TMEM260: variants seen among roughly 807,000 people sequenced by gnomAD.
TMEM260 encodes transmembrane protein 260, also known as protein O-mannosyl-transferase TMEM260.
In TMEM260, 82 loss-of-function variants were observed where a neutral mutation model predicts 88.9. The observed-to-expected ratio is 0.92, with a 90% CI of 0.77 to 1.11. The LOEUF is 1.11. Among genes scored for constraint, TMEM260 ranks in the 50% least tolerant of loss-of-function variants. The pLI is 0.00. For synonymous variants in TMEM260, 314 were observed against 309.3 expected (o/e 1.02, Z -0.16); for missense variants, 902 against 853.4 (o/e 1.06, Z -0.71).
rs1594850167 is a variant in TMEM260, at chr14:56,614,470, C to T, written c.858-1474C>T. Among the ~76,000 whole-genome samples the T allele has an allele frequency of 1.3e-5, 2 of 152,326 alleles. 1 individual carries two copies. Among genetic ancestry groups the T allele is most frequent in the Non-Finnish European group, 2.9e-5 (2 of 68,032 alleles). On this transcript the variant is annotated intron_variant, in intron 7 of 15. Transcript: ENST00000261556. ...GCTTTGCTCCATGCAGAAGGACTCACTGCCTGCTCTTTTCTATCTACCTTC... is the reference window on the plus strand; with the variant it reads ...GCTTTGCTCCATGCAGAAGGACTCATTGCCTGCTCTTTTCTATCTACCTTC...
chr14:56,638,546 G>A (rs1889304101), intron 15 of TMEM260, among the ~76,000 whole-genome samples: 1 of 151,984 alleles, frequency 6.6e-6, no homozygotes, highest in Admixed American at 6.6e-5. Flanking sequence ...TGTCCCTTTG[G>A]GTCAGAGAGC....
At chr14:56,581,943 A>T (rs1394478415) in intron 1 of TMEM260, among the ~76,000 whole-genome samples, 2 of 152,056 alleles carry the variant, frequency 1.3e-5, no homozygotes, top group African/African-American at 4.8e-5. Context: ...ACTGTATTTT[A>T]TTTTTTCCTA....
At chr14:56,617,439 T>A (rs1406168949) in intron 9 of TMEM260, 142 bp downstream of exon 9, 10 of 580,268 alleles carry the variant, frequency 1.7e-5, no homozygotes, top group Non-Finnish European at 3.0e-5. Flanking sequence ...AAAGTTGAAT[T>A]ATTGAGTCAA....
the TMEM260 span, among the ~76,000 whole-genome samples, chr14:56,661,540 G>A: frequency 7.4e-6 from 1 of 135,880 alleles, no homozygotes; most frequent in Non-Finnish European, 1.5e-5. Flanking sequence ...GGAAAGGAGG[G>A]AGGGAGGGAG....
At chr14:56,656,769 GTTAT>G in the TMEM260 span, among the ~76,000 whole-genome samples, 2 of 151,964 alleles carry the variant, frequency 1.3e-5, no homozygotes, top group African/African-American at 4.8e-5. Flanking sequence ...ATATAAAAAC[GTTAT>G]TTAAATTATG....
intron 15 of TMEM260, among the ~76,000 whole-genome samples, chr14:56,644,144 T>G (rs1439714393): frequency 6.6e-6 from 1 of 152,136 alleles, no homozygotes; most frequent in Non-Finnish European, 1.5e-5. Flanking sequence ...TTCACAGAAT[T>G]GGAAAAAAGT....
chr14:56,610,520 G>T (rs867383595), intron 6 of TMEM260, among the ~76,000 whole-genome samples: 3 of 152,180 alleles, frequency 2.0e-5, no homozygotes, highest in South Asian at 4.1e-4. Flanking sequence ...GGGATTACAG[G>T]CGTGAGCCAC....
Position 56,647,825 on chromosome 14 carries a change from G to T in TMEM260, c.*328G>T. The T allele has an allele frequency of 4.0e-6, 1 of 250,278 alleles. No individual in the cohort carries two copies. Among genetic ancestry groups the T allele is most frequent in the Non-Finnish European group, 7.7e-6 (1 of 129,344 alleles). 15.5% of individuals were successfully genotyped at this position (250,278 alleles called of 1,614,324 possible). A position where few individuals can be genotyped will look rare whatever the true frequency, so the allele number is the denominator to read the frequency against. ...AACCATTTTCATATAACTAAATATTGGTCATGAACTGTGTAAGGGCCATGC... is the reference window on the plus strand; with the variant it reads ...AACCATTTTCATATAACTAAATATTTGTCATGAACTGTGTAAGGGCCATGC... On this transcript the variant is annotated 3_prime_UTR_variant, in exon 16 of 16. Coordinates refer to ENST00000261556, the MANE Select transcript of TMEM260 (RefSeq NM_017799.4).
chr14:56,640,425 A>G (rs996386611), intron 15 of TMEM260, among the ~76,000 whole-genome samples: 2 of 152,252 alleles, frequency 1.3e-5, no homozygotes, highest in East Asian at 1.9e-4. Flanking sequence ...AAAGACCTGC[A>G]GCTGAGGGTC....
At position 56,612,245 on chromosome 14, in the gene TMEM260, G is replaced by A. The variant is rs1422927921; in HGVS notation, c.817G>A (p.Ala273Thr). 1 of 1,613,162 alleles carries A rather than the reference G, an allele frequency of 6.2e-7. No individual in the cohort carries two copies. The highest frequency in any genetic ancestry group is 1.3e-5 in the African/African-American group (1 of 74,878). Residue 273 changes from alanine to threonine, a missense_variant and splice_region_variant, in exon 7 of 16, where the codon GCC becomes ACC. Coordinates refer to ENST00000261556, the MANE Select transcript of TMEM260 (RefSeq NM_017799.4). ...ATAAACTTTTGTCTTTTGTGTTTAG[G>A]CCAAATCTGAAATAGGATCCAGTAT... ...LREEYGTFSL[A>T]KSEIGSSMSE...
Position 56,621,542 on chromosome 14 carries a change from A to T in TMEM260, c.1238A>T (p.Gln413Leu), listed in dbSNP as rs765813584. 1.2e-6 allele frequency: 2 copies of T among 1,603,982 alleles called. No homozygotes were observed. The highest frequency in any genetic ancestry group is 4.5e-5 in the East Asian group (2 of 44,678). The change falls in exon 11 of 16, where the codon CAA becomes CTA. Residue 413 changes from glutamine to leucine, a missense_variant. Physicochemically the swap from Gln to Leu is moderately radical, Grantham distance 113. Coordinates refer to ENST00000261556, the MANE Select transcript of TMEM260 (RefSeq NM_017799.4). Reference protein sequence around the residue: ...QIYSNYSVCDQRTNYVIDKFA... With the variant: ...QIYSNYSVCDLRTNYVIDKFA... The stretch of plus-strand genomic sequence containing the variant: ...ATCCTTTTATTTAGTGTTTGTGACC[A>T]AAGGACCAACTATGTGATTGATAAG...
the TMEM260 span, among the ~76,000 whole-genome samples, chr14:56,656,806 G>C: frequency 1.3e-5 from 2 of 151,932 alleles, no homozygotes; most frequent in Non-Finnish European, 2.9e-5. Context: ...AATTAGAAGA[G>C]AGTAACCAAA....
At chr14:56,634,352 G>T (rs1035684639) in intron 13 of TMEM260, among the ~76,000 whole-genome samples, 2 of 152,112 alleles carry the variant, frequency 1.3e-5, no homozygotes, top group Non-Finnish European at 2.9e-5. Context: ...ATGTCTTCCT[G>T]TTAATCTTCT....
intron 13 of TMEM260, among the ~76,000 whole-genome samples, chr14:56,634,442 A>G (rs898670584): frequency 2.0e-5 from 3 of 152,210 alleles, no homozygotes; most frequent in East Asian, 3.8e-4. Context: ...TTAAAATTCA[A>G]CTTTTTTAGG....
chr14:56,594,131 T>C (rs1594818665), intron 3 of TMEM260, among the ~76,000 whole-genome samples: 1 of 152,350 alleles, frequency 6.6e-6, no homozygotes. Flanking sequence ...ATGTATTTCA[T>C]TTGAAGGAAT....
intron 13 of TMEM260, 41 bp from the exon 14 acceptor site, chr14:56,634,857 AG>A (rs761061159): frequency 1.9e-6 from 3 of 1,546,352 alleles, no homozygotes; most frequent in East Asian, 2.2e-5. Flanking sequence ...AAAAAAAAAA[AG>A]TGGGTGACAG....
intron 3 of TMEM260, among the ~76,000 whole-genome samples, chr14:56,591,530 A>G (rs1885862869): frequency 6.6e-6 from 1 of 152,230 alleles, no homozygotes; most frequent in Non-Finnish European, 1.5e-5. Context: ...ACTTAGCGTG[A>G]TGATATGCCT....
At position 56,580,041 on chromosome 14, in the gene TMEM260, A is replaced by T; in HGVS notation, c.127A>T (p.Thr43Ser). The T allele has an allele frequency of 4.8e-6, 6 of 1,250,888 alleles. No individual in the cohort carries two copies. Among genetic ancestry groups the T allele is most frequent in the Non-Finnish European group, 6.1e-6 (6 of 990,100 alleles). The allele number at this position is 1,250,888 out of a possible 1,614,324, so 77.5% of individuals were successfully genotyped here. ...CGCCGTGGCCGCAGTGTTCACCTTC[A>T]CCCTGCCCCCTTCGGTACCGGGGGG... is the stretch of plus-strand genomic sequence containing the variant. ...FAAVAAVFTF[T>S]LPPSVPGGDS... The change falls in exon 1 of 16, where the codon ACC becomes TCC. Residue 43 changes from threonine to serine, a missense_variant. Transcript: ENST00000261556.
In TMEM260 at chr14:56,628,021, T is replaced by C. The variant is rs929769676; in HGVS notation, c.1547+2491T>C. Among the ~76,000 whole-genome samples, 3 of 152,250 alleles carry C rather than the reference T, an allele frequency of 2.0e-5. No individual in the cohort carries two copies. In the South Asian group the frequency reaches 6.2e-4, roughly 31 times the overall value. ...AATCAAAGTATGTAACCTGTTGATA[T>C]TGGCATATTTCACTTAGTGTAGTGC... On this transcript the variant is annotated intron_variant, in intron 12 of 15. Transcript: ENST00000261556.
Sources: gnomAD v4.1 joint callset for allele counts (sites outside exome capture counted in the v4.1 genomes callset) on GRCh38, gnomAD v4.1.1 for gene constraint, MANE v1.5 for transcripts, NCBI Gene and HGNC (gene_info 2026-07-23, HGNC 2026-07-21) for gene names.